Variants in CRYL1 observed in about 807,000 individuals in gnomAD.
The protein encoded by CRYL1 is lambda-crystallin homolog.
In CRYL1, 29 loss-of-function variants were observed where a neutral mutation model predicts 36.6. The ratio of observed to expected loss-of-function variants is 0.79; its 90% CI spans 0.59 to 1.08. The LOEUF is 1.08. Among genes scored for constraint, CRYL1 ranks in the 50% least tolerant of loss-of-function variants. CRYL1 has a pLI of 0.00. For synonymous variants in CRYL1, 152 were observed against 151.5 expected (o/e 1.00, Z -0.02); for missense variants, 411 against 407.9 (o/e 1.01, Z -0.06).
rs150987380 is a variant in CRYL1 at position 20,467,891 on chromosome 13, G to A, written c.276+21479C>T. ...CAGGCCACGCAGCAGGAGGTGAGCC[G>A]TGCGCCTGAGCTCCACCTCCTGTTA... On this transcript the variant is annotated intron_variant, in intron 3 of 7. Coordinates refer to ENST00000298248, the MANE Select transcript of CRYL1 (RefSeq NM_015974.3). Among the ~76,000 whole-genome samples, 721 of 152,260 alleles carry A rather than the reference G, an allele frequency of 4.7e-3. 4 individuals carry two copies. The highest frequency in any genetic ancestry group is 7.4e-3 in the Non-Finnish European group (505 of 68,020).
Position 20,525,654 on chromosome 13 carries a change from C to A in CRYL1, c.41+100G>T. The stretch of plus-strand genomic sequence containing the variant: ...GGAGGACCGGAGGCCGGGGCGGGGA[C>A]AGCGACCCGGCGCCCACCCCGAGGG... On this transcript the variant is annotated intron_variant, in intron 1 of 7. Transcript: ENST00000298248. This position sits in a 1 kb window ranked among gnomAD's most constrained non-coding sequence, Gnocchi z 4.3. 9.9e-7 allele frequency: 1 copy of A among 1,012,744 alleles called. No individual in the cohort carries two copies. Among genetic ancestry groups the A allele is most frequent in the Non-Finnish European group, 1.3e-6 (1 of 781,704 alleles). 62.7% of individuals were successfully genotyped at this position (1,012,744 alleles called of 1,614,324 possible). A position where few individuals can be genotyped will look rare whatever the true frequency, so the allele number is the denominator to read the frequency against.
chr13:20,469,068 T>C (rs2137442806), intron 3 of CRYL1, among the ~76,000 whole-genome samples: 1 of 152,328 alleles, frequency 6.6e-6, no homozygotes, highest in Non-Finnish European at 1.5e-5. Flanking sequence ...CGTCAGCAGT[T>C]TCTCAGGAAG....
chr13:20,449,471 AAAAG>A (rs2032522604), intron 3 of CRYL1, among the ~76,000 whole-genome samples: 1 of 152,242 alleles, frequency 6.6e-6, no homozygotes, highest in African/African-American at 2.4e-5. Flanking sequence ...AAAAGCAGAA[AAAAG>A]AAATAAAGAG....
intron 5 of CRYL1, among the ~76,000 whole-genome samples, chr13:20,416,875 AC>A (rs1403056298): frequency 6.6e-6 from 1 of 151,942 alleles, no homozygotes; most frequent in African/African-American, 2.4e-5. Context: ...ATTCCCTCCA[AC>A]TCCCATGTTC....
chr13:20,420,701 T>G (rs1369880181), intron 5 of CRYL1, among the ~76,000 whole-genome samples: 2 of 21,840 alleles, frequency 9.2e-5, no homozygotes, highest in African/African-American at 2.1e-4. Flanking sequence ...AAAATAGAGG[T>G]TGTGTGTGTG....
intron 5 of CRYL1, chr13:20,430,407 C>G (rs912626180): frequency 1.0e-6 from 1 of 985,226 alleles, no homozygotes; most frequent in African/African-American, 1.7e-5. Context: ...GGAGGTATGT[C>G]ACCACAGAAA....
At chr13:20,489,131 G>A (rs2033456632) in intron 3 of CRYL1, among the ~76,000 whole-genome samples, 1 of 152,172 alleles carries the variant, frequency 6.6e-6, no homozygotes, top group South Asian at 2.1e-4. Context: ...AATCCCTAGT[G>A]GCCTCACGGA....
chr13:20,497,350 ACAC>A (rs1565983669), intron 2 of CRYL1, among the ~76,000 whole-genome samples: 1 of 133,194 alleles, frequency 7.5e-6, no homozygotes, highest in African/African-American at 2.9e-5. Flanking sequence ...CACTACACAC[ACAC>A]CACCATACAC....
At position 20,413,233 on chromosome 13, in the gene CRYL1, T is replaced by G. The variant is rs767928052; in HGVS notation, c.739+49A>C. ...AAAATGTGACTGTTTACAAAACCCA[T>G]GACAACACTAAATAGAATGGAATTC... On this transcript the variant is annotated intron_variant, in intron 6 of 7. Transcript: ENST00000298248. The G allele has an allele frequency of 2.3e-5, 30 of 1,323,174 alleles. No homozygotes were observed. The South Asian group carries it at 2.7e-4, about 12-fold the overall frequency. 82.0% of individuals were successfully genotyped at this position (1,323,174 alleles called of 1,614,324 possible). A position where few individuals can be genotyped will look rare whatever the true frequency, so the allele number is the denominator to read the frequency against.
intron 5 of CRYL1, among the ~76,000 whole-genome samples, chr13:20,421,662 C>A (rs1467127449): frequency 6.6e-6 from 1 of 152,172 alleles, no homozygotes; most frequent in Non-Finnish European, 1.5e-5. Context: ...TTCTGGGGAC[C>A]CTTACCCCTG....
chr13:20,413,478 C>G, intron 5 of CRYL1, 91 bp from the exon 6 acceptor site: 1 of 757,976 alleles, frequency 1.3e-6, no homozygotes, highest in Non-Finnish European at 2.2e-6. Context: ...AGAGCAGGAT[C>G]CCAAAATCTT....
intron 3 of CRYL1, among the ~76,000 whole-genome samples, chr13:20,472,746 A>T (rs77021282): frequency 0.029 from 4,393 of 152,272 alleles, 214 homozygotes; most frequent in African/African-American, 0.098. Flanking sequence ...TGAGGTTCGC[A>T]GGGTGGGGAT....
At chr13:20,407,933 C>T (rs552188088) in intron 6 of CRYL1, among the ~76,000 whole-genome samples, 2 of 152,118 alleles carry the variant, frequency 1.3e-5, no homozygotes, top group African/African-American at 4.8e-5. Context: ...AACCCCAGCC[C>T]GAGGCCACAG....
chr13:20,520,327 TG>T (rs79181004), intron 1 of CRYL1, among the ~76,000 whole-genome samples: 27,596 of 151,636 alleles, frequency 0.18, 2,669 homozygotes, highest in East Asian at 0.36. Context: ...ATATGTTTGC[TG>T]GCTGCGGGGT....
chr13:20,493,082 C>T (rs1285238982), intron 2 of CRYL1, among the ~76,000 whole-genome samples: 4 of 152,208 alleles, frequency 2.6e-5, no homozygotes, highest in Non-Finnish European at 5.9e-5. Flanking sequence ...ATTAGATTCC[C>T]ATCTTGCACA....
intron 2 of CRYL1, among the ~76,000 whole-genome samples, chr13:20,505,707 G>C (rs74036402): frequency 0.02 from 3,005 of 152,246 alleles, 107 homozygotes; most frequent in African/African-American, 0.069. Context: ...CACAAAACAG[G>C]GTGTCAGGGA....
chr13:20,519,898 T>C (rs534848662), intron 1 of CRYL1, among the ~76,000 whole-genome samples: 3 of 54,244 alleles, frequency 5.5e-5, no homozygotes, highest in African/African-American at 9.6e-5. Flanking sequence ...TATTAAGGAA[T>C]TGTGTTAATG....
intron 1 of CRYL1, among the ~76,000 whole-genome samples, chr13:20,522,467 T>G (rs1352574486): frequency 6.6e-6 from 1 of 152,342 alleles, no homozygotes; most frequent in African/African-American, 2.4e-5. Context: ...GATGTTTTTC[T>G]TGATATAAAA....
At chr13:20,448,499 C>G (rs1389874428) in intron 3 of CRYL1, among the ~76,000 whole-genome samples, 3 of 152,116 alleles carry the variant, frequency 2.0e-5, no homozygotes, top group African/African-American at 7.2e-5. Context: ...TTTCTAGGTA[C>G]CTAGGTATAC....
Sources: allele counts gnomAD v4.1 joint callset (sites outside exome capture counted in the v4.1 genomes callset), GRCh38; gene constraint gnomAD v4.1.1; non-coding constraint Gnocchi (gnomAD v3.1); transcripts MANE v1.5; gene names NCBI Gene and HGNC (gene_info 2026-07-23, HGNC 2026-07-21).